SLC26A6: variants seen among roughly 807,000 people sequenced by gnomAD.
The protein encoded by SLC26A6 is anion exchange transporter.
A neutral mutation model predicts 87.1 loss-of-function variants in SLC26A6; 67 were observed. The observed-to-expected ratio is 0.77, with a 90% CI of 0.63 to 0.94. SLC26A6 has a LOEUF of 0.94. SLC26A6 is among the 40% of genes least tolerant of loss of function. The pLI, the probability that SLC26A6 is intolerant of heterozygous loss-of-function variation, is 0.00. For synonymous variants in SLC26A6, 414 were observed against 405.9 expected (o/e 1.02, Z -0.24); for missense variants, 902 against 973.0 (o/e 0.93, Z 0.97).
chr3:48,631,340 C>G, intron 7 of SLC26A6, 34 bp from the exon 8 acceptor site: 1 of 1,530,310 alleles, frequency 6.5e-7, no homozygotes, highest in South Asian at 1.3e-5. Flanking sequence ...GAGGCAGGTG[C>G]TGGCACCATG....
At position 48,628,105 on chromosome 3, in the gene SLC26A6, G is replaced by C; in HGVS notation, c.1801-67C>G. The C allele has an allele frequency of 7.2e-7, 1 of 1,396,026 alleles. No homozygotes were observed. The highest frequency in any genetic ancestry group is 9.7e-7 in the Non-Finnish European group (1 of 1,025,824). 86.5% of individuals were successfully genotyped at this position (1,396,026 alleles called of 1,614,324 possible). The stretch of plus-strand genomic sequence containing the variant: ...CTGCCATGACAGCCATGTCACATAG[G>C]CCTGGTGATGCCCCCTGGTGCTGGG... On this transcript the variant is annotated intron_variant, in intron 16 of 20. Coordinates refer to ENST00000395550, the MANE Select transcript of SLC26A6 (RefSeq NM_022911.3). The surrounding 1 kb of genome is among the most constrained non-coding windows in gnomAD (Gnocchi z 4.4).
chr3:48,627,177 C>CA, intron 17 of SLC26A6, 122 bp from the exon 18 acceptor site: 1 of 1,204,338 alleles, frequency 8.3e-7, no homozygotes, highest in Non-Finnish European at 1.2e-6. Flanking sequence ...CATAAGGACA[C>CA]AAACATGCGG....
Position 48,631,972 on chromosome 3 carries a change from T to A in SLC26A6, c.658A>T (p.Thr220Ser). Residue 220 changes from threonine to serine, a missense_variant, in exon 6 of 21, where the codon ACA (threonine) becomes TCA (serine). Coordinates refer to ENST00000395550, the MANE Select transcript of SLC26A6 (RefSeq NM_022911.3). ...LSEPLVRGYT[T>S]AAAVQVFVSQ... ...ACGAAGACCTGCACAGCTGCAGCTG[T>A]GGTATAGCCTCGGACAAGAGGTTCT... is the stretch of plus-strand genomic sequence containing the variant. 1 of 1,613,350 alleles carries A rather than the reference T, an allele frequency of 6.2e-7. No homozygotes were observed. Among genetic ancestry groups the A allele is most frequent in the South Asian group, 1.1e-5 (1 of 91,070 alleles).
At position 48,627,969 on chromosome 3, in the gene SLC26A6, T is replaced by C. The variant is rs991320904; in HGVS notation, c.1870A>G (p.Asn624Asp). 1 of 1,593,372 alleles carries C rather than the reference T, an allele frequency of 6.3e-7. No homozygotes were observed. Among genetic ancestry groups the C allele is most frequent in the African/African-American group, 1.4e-5 (1 of 73,466 alleles). ...NTSLEDMRSN[N>D]VEDCKMMQVS... ...ACCATCATCTTGCAGTCCTCAACGT[T>C]GTTGCTCCTCATGTCTTCAAGGCTG... The change falls in exon 17 of 21, where the codon AAC becomes GAC. Residue 624 changes from asparagine to aspartate, a missense_variant. Physicochemically the swap from Asn to Asp is conservative, Grantham distance 23. Around this residue, in one of 3 missense-constraint regions of SLC26A6, gnomAD observed 800 missense variants for 856.8 expected, o/e 0.93. Transcript: ENST00000395550.
In SLC26A6 at chr3:48,632,515, G is replaced by A. The variant is rs577500007; in HGVS notation, c.434-119C>T. 2.2e-6 allele frequency: 3 copies of A among 1,391,494 alleles called. No homozygotes were observed. The African/African-American group carries it at 4.3e-5, about 20-fold the overall frequency. 86.2% of individuals were successfully genotyped at this position (1,391,494 alleles called of 1,614,324 possible). ...TCTGGATAAATGTACTCAGATTATG[G>A]CTGCATGAACAGGGACAGTGCTGGC... On this transcript the variant is annotated intron_variant, in intron 4 of 20. Coordinates refer to ENST00000395550, the MANE Select transcript of SLC26A6 (RefSeq NM_022911.3).
rs374834259 is a variant in SLC26A6, at chr3:48,635,399, G to T, written c.-6C>A. 4 of 1,583,876 alleles carry T rather than the reference G, an allele frequency of 2.5e-6. No individual in the cohort carries two copies. The South Asian group carries it at 4.6e-5, about 18-fold the overall frequency. On this transcript the variant is annotated 5_prime_UTR_variant, in exon 1 of 21. Coordinates refer to ENST00000395550, the MANE Select transcript of SLC26A6 (RefSeq NM_022911.3). ...GACGCATCCGCCAGCCCCATGGCTC[G>T]CAAGTTGTCCGGTGCGGGCTGCTCC...
Position 48,628,371 on chromosome 3 carries a change from A to G in SLC26A6, c.1800+63T>C. On this transcript the variant is annotated intron_variant, in intron 16 of 20. Coordinates refer to ENST00000395550, the MANE Select transcript of SLC26A6 (RefSeq NM_022911.3). This position sits in a 1 kb window ranked among gnomAD's most constrained non-coding sequence, Gnocchi z 4.4. ...GACGAGGGAGGAGTCGGGGGCCAGG[A>G]GAAAGGCTGGGGCAGGGAACAGGGG... 1 of 1,601,912 alleles carries G rather than the reference A, an allele frequency of 6.2e-7. No homozygotes were observed. Among genetic ancestry groups the G allele is most frequent in the Non-Finnish European group, 8.5e-7 (1 of 1,173,408 alleles).
At chr3:48,630,856 C>T in intron 9 of SLC26A6, 136 bp from the exon 10 acceptor site, 1 of 1,510,070 alleles carries the variant, frequency 6.6e-7, no homozygotes, top group Non-Finnish European at 9.1e-7. Context: ...TCCCACACGT[C>T]CTGCTCTCCC....
chr3:48,626,219 G>A lies in SLC26A6; in HGVS notation c.2264C>T (p.Ser755Leu), dbSNP rs374322645. The A allele has an allele frequency of 2.5e-5, 40 of 1,613,952 alleles. No homozygotes were observed. The African/African-American group carries it at 2.5e-4, about 10-fold the overall frequency. The change falls in exon 20 of 21, where the codon TCG becomes TTG. Residue 755 changes from serine to leucine, a missense_variant and splice_region_variant. Coordinates refer to ENST00000395550, the MANE Select transcript of SLC26A6 (RefSeq NM_022911.3). ...TTGGCAGGCCAGAGGTAGGCTCACC[G>A]AAACAGGGCTGTCGGGGACAGGCCT... is the stretch of plus-strand genomic sequence containing the variant. ...HPRPVPDSPV[S>L]VTRL
Position 48,632,036 on chromosome 3 carries a change from C to T in SLC26A6, c.594G>A (p.Leu198=), listed in dbSNP as rs201037152. 7.3e-4 allele frequency: 1,180 copies of T among 1,613,208 alleles called. 2 individuals are homozygous for T. Among genetic ancestry groups the T allele is most frequent in the Non-Finnish European group, 9.4e-4 (1,110 of 1,179,954 alleles). Residue 198 remains leucine, a synonymous_variant, in exon 6 of 21, where the codon CTG becomes CTA. Coordinates refer to ENST00000395550, the MANE Select transcript of SLC26A6 (RefSeq NM_022911.3). The part of the protein sequence containing the change: ...SVLVGLFQVG[L]GLIHFGFVVT... ...CCACGAAGCCGAAGTGGATCAGGCCCAGCCCCACCTGTGGGGCGGCCAGGG... is the reference window on the plus strand; with the variant it reads ...CCACGAAGCCGAAGTGGATCAGGCCTAGCCCCACCTGTGGGGCGGCCAGGG...
chr3:48,630,879 C>T lies in SLC26A6; in HGVS notation c.1134+114G>A. On this transcript the variant is annotated intron_variant, in intron 9 of 20. Transcript: ENST00000395550. ...GTCCTGCTCTCCCACCCTCAGTCCC[C>T]CACGTGGCCTCAGCACATCTGCTGT... The T allele has an allele frequency of 4.5e-6, 7 of 1,544,612 alleles. No individual in the cohort carries two copies. The Admixed American group carries it at 5.2e-5, about 11-fold the overall frequency.
chr3:48,633,125 T>C, intron 3 of SLC26A6, 41 bp from the exon 4 acceptor site: 1 of 1,592,400 alleles, frequency 6.3e-7, no homozygotes, highest in East Asian at 2.2e-5. Flanking sequence ...GGAGAGCAGA[T>C]CTTGAAACGA....
chr3:48,632,756 T>C (rs1397885511), intron 4 of SLC26A6: 1 of 676,834 alleles, frequency 1.5e-6, no homozygotes, highest in African/African-American at 1.8e-5. Flanking sequence ...TCACCCACTC[T>C]CATCTTCCTG....
intron 7 of SLC26A6, 91 bp downstream of exon 7, chr3:48,631,558 G>C: frequency 6.6e-7 from 1 of 1,505,614 alleles, no homozygotes; most frequent in Non-Finnish European, 9.0e-7. Context: ...CCCCCCTCCA[G>C]CTGGCCCTCA....
rs1368612542 is a variant in SLC26A6 at position 48,628,942 on chromosome 3, A to G, written c.1600-228T>C. On this transcript the variant is annotated intron_variant, in intron 14 of 20. Transcript: ENST00000395550. This position sits in a 1 kb window ranked among gnomAD's most constrained non-coding sequence, Gnocchi z 4.4. The stretch of plus-strand genomic sequence containing the variant: ...CCACCTCTCCTGCCACCACCCAGGC[A>G]GGCTTCACAGGCTCTTAACCTTTCT... 2.6e-5 allele frequency among the ~76,000 whole-genome samples: 4 copies of G among 151,858 alleles called. No individual in the cohort carries two copies. Among genetic ancestry groups the G allele is most frequent in the Non-Finnish European group, 5.9e-5 (4 of 67,956 alleles).
rs369278809 is a variant in SLC26A6, at chr3:48,630,664, G to C, written c.1191C>G (p.Pro397=). 1.9e-6 allele frequency: 3 copies of C among 1,601,650 alleles called. No homozygotes were observed. The Admixed American group carries it at 5.1e-5, about 27-fold the overall frequency. ...GGCTCCGAGACATAGAGCAACTCAC[G>C]GGGAAGCACTGGAAGATGCCTCCGA... ...NLIGGIFQCF[P]VSCSMSRSLV... The change falls in exon 10 of 21, where the codon CCC becomes CCG. Residue 397 remains proline (P), a synonymous_variant. Transcript: ENST00000395550.
chr3:48,633,164 C>T (rs781295905), intron 3 of SLC26A6, 80 bp from the exon 4 acceptor site: 2 of 1,583,712 alleles, frequency 1.3e-6, no homozygotes, highest in East Asian at 4.5e-5. Context: ...GGGTTAGGTG[C>T]CATAGTTCCA....
At chr3:48,633,937 C>T (rs2046883807) in intron 1 of SLC26A6, 2 of 1,179,796 alleles carry the variant, frequency 1.7e-6, no homozygotes, top group South Asian at 1.9e-5. Flanking sequence ...AGTGTTCTAC[C>T]AGTCCAGGTC....
chr3:48,630,930 C>T, intron 9 of SLC26A6, 63 bp downstream of exon 9: 1 of 1,594,570 alleles, frequency 6.3e-7, no homozygotes, highest in South Asian at 1.1e-5. Context: ...CGGTTCCTCC[C>T]CCACCCGTTG....
Sources: gnomAD v4.1 joint callset for allele counts (sites outside exome capture counted in the v4.1 genomes callset) on GRCh38, gnomAD v4.1.1 for gene constraint, gnomAD v4.1.1 regional missense constraint, Gnocchi (gnomAD v3.1) non-coding constraint, MANE v1.5 for transcripts, NCBI Gene and HGNC (gene_info 2026-07-23, HGNC 2026-07-21) for gene names.